FCF1: variants seen among roughly 807,000 people sequenced by gnomAD.
FCF1 encodes FCF1 rRNA-processing protein.
FCF1 carries 17 observed loss-of-function variants against 32.5 expected under a neutral mutation model. The ratio of observed to expected loss-of-function variants is 0.52; its 90% CI spans 0.36 to 0.78. The LOEUF is 0.78. FCF1 is among the 30% of genes least tolerant of loss of function. FCF1 has a pLI of 0.00. For synonymous variants in FCF1, 84 were observed against 78.4 expected, an observed-to-expected ratio of 1.07 and a Z score of -0.38; for missense variants, 201 against 241.1, an observed-to-expected ratio of 0.83 and a Z score of 1.10.
Position 74,713,145 on chromosome 14 carries a change from T to G in FCF1, c.-53T>G, listed in dbSNP as rs751407938. Reference sequence around the variant, plus strand: ...TGCCGGAAGCAGTATGTGAATGACGTAGAAGTATTGCGCCGTTGGTGATTA... The same window carrying G: ...TGCCGGAAGCAGTATGTGAATGACGGAGAAGTATTGCGCCGTTGGTGATTA... On this transcript the variant is annotated 5_prime_UTR_variant, in exon 1 of 8. Coordinates refer to ENST00000341162, the MANE Select transcript of FCF1 (RefSeq NM_015962.5). The G allele has an allele frequency of 1.4e-5, 22 of 1,613,986 alleles. No individual in the cohort carries two copies. Among genetic ancestry groups the G allele is most frequent in the Non-Finnish European group, 1.9e-5 (22 of 1,180,022 alleles).
intron 4 of FCF1, among the ~76,000 whole-genome samples, chr14:74,718,341 C>G (rs1431456277): frequency 6.6e-6 from 1 of 152,158 alleles, no homozygotes; most frequent in Non-Finnish European, 1.5e-5. Flanking sequence ...CTGTTACTTT[C>G]CCTTTCCTTG....
intron 4 of FCF1, among the ~76,000 whole-genome samples, chr14:74,716,747 T>G (rs935062270): frequency 6.6e-6 from 1 of 152,200 alleles, no homozygotes; most frequent in Non-Finnish European, 1.5e-5. Flanking sequence ...ATCTGTCCCA[T>G]TTGTAGCGGG....
intron 4 of FCF1, among the ~76,000 whole-genome samples, chr14:74,722,564 A>C (rs1376367878): frequency 6.6e-6 from 1 of 151,974 alleles, no homozygotes; most frequent in Admixed American, 6.6e-5. Flanking sequence ...GTCAAACAGA[A>C]GTTTTTAAAA....
intron 5 of FCF1, among the ~76,000 whole-genome samples, chr14:74,724,410 A>G (rs1368993081): frequency 1.3e-5 from 2 of 152,128 alleles, no homozygotes; most frequent in Non-Finnish European, 2.9e-5. Flanking sequence ...CAGCACCCTC[A>G]AGTAGCTGGG....
chr14:74,723,296 T>G lies in FCF1; in HGVS notation c.317T>G (p.Val106Gly). Residue 106 changes from valine to glycine, a missense_variant, in exon 5 of 8, where the codon GTA becomes GGA. Coordinates refer to ENST00000341162, the MANE Select transcript of FCF1 (RefSeq NM_015962.5). The stretch of plus-strand genomic sequence containing the variant: ...GGTATCCCATGTATAACCGATTGTG[T>G]AATGGCTGAAATTGAGAAATTGGGG... ...AKCIPCITDC[V>G]MAEIEKLGQK... The G allele has an allele frequency of 6.2e-7, 1 of 1,613,624 alleles. No homozygotes were observed. Among genetic ancestry groups the G allele is most frequent in the Non-Finnish European group, 8.5e-7 (1 of 1,179,664 alleles).
At chr14:74,721,222 T>G (rs771972493) in intron 4 of FCF1, among the ~76,000 whole-genome samples, 1 of 151,994 alleles carries the variant, frequency 6.6e-6, no homozygotes, top group Non-Finnish European at 1.5e-5. Context: ...TTTTTTTGTA[T>G]TTTTAGTAGA....
chr14:74,718,691 C>T (rs10130425), intron 4 of FCF1, among the ~76,000 whole-genome samples: 34,380 of 151,664 alleles, frequency 0.23, 4,038 homozygotes, highest in South Asian at 0.31. Context: ...AGGTTGGTAT[C>T]GAACTCCTGA....
intron 4 of FCF1, among the ~76,000 whole-genome samples, chr14:74,720,101 C>G (rs190231583): frequency 7.2e-4 from 109 of 152,188 alleles, no homozygotes; most frequent in African/African-American, 2.6e-3. Context: ...AAGATCGTGC[C>G]ATTGCAAGAG....
intron 4 of FCF1, among the ~76,000 whole-genome samples, chr14:74,716,703 A>T (rs1463767495): frequency 1.3e-5 from 2 of 152,218 alleles, no homozygotes; most frequent in East Asian, 3.8e-4. Flanking sequence ...GGAAAAAGAA[A>T]AGTAAGGCCA....
At chr14:74,729,339 A>G (rs1346962927) in intron 5 of FCF1, among the ~76,000 whole-genome samples, 3 of 151,814 alleles carry the variant, frequency 2.0e-5, no homozygotes, top group Admixed American at 6.6e-5. Flanking sequence ...GGGAGAGTGT[A>G]TGTGTCGAGG....
At chr14:74,717,216 C>T (rs975703113) in intron 4 of FCF1, among the ~76,000 whole-genome samples, 12 of 151,944 alleles carry the variant, frequency 7.9e-5, no homozygotes, top group African/African-American at 2.7e-4. Context: ...ATTAGCTGGG[C>T]GTGGTGGCAC....
chr14:74,731,611 C>G (rs968063036), intron 5 of FCF1, among the ~76,000 whole-genome samples: 1 of 152,160 alleles, frequency 6.6e-6, no homozygotes, highest in Admixed American at 6.5e-5. Flanking sequence ...CACTCTGCCC[C>G]CAGCCAGAAA....
chr14:74,728,311 G>T (rs1380692853), intron 5 of FCF1, among the ~76,000 whole-genome samples: 2 of 151,954 alleles, frequency 1.3e-5, no homozygotes, highest in African/African-American at 4.8e-5. Context: ...CCTTGAAGAG[G>T]TCCTTCACAT....
intron 6 of FCF1, among the ~76,000 whole-genome samples, chr14:74,733,810 A>G (rs1293942766): frequency 6.6e-6 from 1 of 152,192 alleles, no homozygotes; most frequent in Non-Finnish European, 1.5e-5. Flanking sequence ...AGCAGAAAAC[A>G]GTTTGCAGCT....
rs1257674578 is a variant in FCF1 at position 74,735,895 on chromosome 14, T to G, written c.*965T>G. 1 of 152,594 alleles carries G rather than the reference T, an allele frequency of 6.6e-6. No homozygotes were observed. The highest frequency in any genetic ancestry group is 1.9e-4 in the East Asian group (1 of 5,168). The allele number at this position is 152,594 out of a possible 1,614,324, so 9.5% of individuals were successfully genotyped here. A position where few individuals can be genotyped will look rare whatever the true frequency, so the allele number is the denominator to read the frequency against. ...TCACTTTCTGATGCTGCTTTTTTGTTGTTTGTTTGTTTATTTGTTTGTTTT... is the reference window on the plus strand; with the variant it reads ...TCACTTTCTGATGCTGCTTTTTTGTGGTTTGTTTGTTTATTTGTTTGTTTT... On this transcript the variant is annotated 3_prime_UTR_variant, in exon 8 of 8. Transcript: ENST00000341162.
chr14:74,732,860 A>C, intron 6 of FCF1, 42 bp downstream of exon 6: 1 of 1,181,776 alleles, frequency 8.5e-7, no homozygotes, highest in Non-Finnish European at 1.2e-6. Flanking sequence ...CTTAAAAAAA[A>C]AAAATGTAAA....
chr14:74,717,347 T>C (rs1159132978), intron 4 of FCF1, among the ~76,000 whole-genome samples: 1 of 146,244 alleles, frequency 6.8e-6, no homozygotes, highest in Non-Finnish European at 1.5e-5. Context: ...AGAAACTCCA[T>C]CTAAAAAAAA....
intron 3 of FCF1, among the ~76,000 whole-genome samples, 157 bp downstream of exon 3, chr14:74,715,100 T>C (rs150853572): frequency 3.4e-4 from 52 of 152,190 alleles, no homozygotes; most frequent in African/African-American, 1.2e-3. Flanking sequence ...TTCTAGTGGT[T>C]TGAAGGTTTT....
intron 4 of FCF1, among the ~76,000 whole-genome samples, chr14:74,722,517 T>G (rs1349669333): frequency 6.6e-6 from 1 of 152,186 alleles, no homozygotes; most frequent in East Asian, 1.9e-4. Context: ...ATGATGATTT[T>G]TTTTTAAACT....
Sources: allele counts gnomAD v4.1 joint callset (sites outside exome capture counted in the v4.1 genomes callset), GRCh38; gene constraint gnomAD v4.1.1; transcripts MANE v1.5; gene names NCBI Gene and HGNC (gene_info 2026-07-23, HGNC 2026-07-21).